Variants in SUMF1 observed in about 807,000 individuals in gnomAD.
SUMF1 encodes formylglycine-generating enzyme.
A neutral mutation model predicts 47.6 loss-of-function variants in SUMF1; 48 were observed. The ratio of observed to expected loss-of-function variants is 1.01; its 90% CI spans 0.80 to 1.28. The LOEUF is 1.28. Ranked by LOEUF, SUMF1 falls within the 50% of genes most tolerant of loss-of-function variation. The probability of loss-of-function intolerance (pLI) is 0.00; values close to 1 mark genes in which losing one functional copy is unlikely to be tolerated. For synonymous variants in SUMF1, 230 were observed against 192.1 expected, an observed-to-expected ratio of 1.20 and a Z score of -1.63; for missense variants, 571 against 485.4, an observed-to-expected ratio of 1.18 and a Z score of -1.66.
At chr3:4,234,592 A>C in intron 8 of SUMF1, among the ~76,000 whole-genome samples, 1 of 152,180 alleles carries the variant, frequency 6.6e-6, no homozygotes, top group East Asian at 1.9e-4. Context: ...TGTGCAAGCA[A>C]GAATTACTGT....
intron 8 of SUMF1, among the ~76,000 whole-genome samples, chr3:4,125,729 C>A (rs775763895): frequency 1.3e-5 from 2 of 152,134 alleles, no homozygotes; most frequent in East Asian, 3.9e-4. Context: ...GGCTAGAGTG[C>A]GGTGGCATGC....
intron 9 of SUMF1, chr3:4,068,429 G>A (rs1358143707): frequency 6.3e-6 from 1 of 159,108 alleles, no homozygotes; most frequent in Non-Finnish European, 1.4e-5. Flanking sequence ...AACAATGATA[G>A]TAATTTTAAT....
At chr3:4,054,699 T>A (rs1695162617) in intron 9 of SUMF1, among the ~76,000 whole-genome samples, 1 of 152,144 alleles carries the variant, frequency 6.6e-6, no homozygotes, top group Non-Finnish European at 1.5e-5. Context: ...AGGTCTGCCA[T>A]CTCACTCAAC....
chr3:4,461,260 A>G (rs1279773129), intron 1 of SUMF1, among the ~76,000 whole-genome samples: 2 of 143,440 alleles, frequency 1.4e-5, no homozygotes, highest in South Asian at 2.1e-4. Context: ...CATTATTCTC[A>G]CTATACTCTA....
At chr3:4,171,718 T>C (rs1289148207) in intron 8 of SUMF1, among the ~76,000 whole-genome samples, 2 of 152,136 alleles carry the variant, frequency 1.3e-5, no homozygotes, top group Admixed American at 6.5e-5. Flanking sequence ...TCCAGATAAA[T>C]GGGCTTGTGA....
intron 8 of SUMF1, among the ~76,000 whole-genome samples, chr3:4,172,509 C>G (rs79847033): frequency 0.031 from 4,764 of 152,142 alleles, 270 homozygotes; most frequent in African/African-American, 0.11. Flanking sequence ...TTTATAGCAA[C>G]TCTATAAGAA....
rs574248389 is a variant in SUMF1 at position 4,461,201 on chromosome 3, C to T, written c.270+5775G>A. On this transcript the variant is annotated intron_variant, in intron 1 of 8. Transcript: ENST00000272902. ...AGACATGCATAACATGTCAACATCACAGTGAAACCTGTCTAACAGATGTAG... is the reference window on the plus strand; with the variant it reads ...AGACATGCATAACATGTCAACATCATAGTGAAACCTGTCTAACAGATGTAG... Among the ~76,000 whole-genome samples, 7 of 152,304 alleles carry T rather than the reference C, an allele frequency of 4.6e-5. No individual in the cohort carries two copies. The South Asian group carries it at 1.2e-3, about 27-fold the overall frequency.
chr3:4,197,472 G>A (rs914848411), intron 8 of SUMF1, among the ~76,000 whole-genome samples: 3 of 152,032 alleles, frequency 2.0e-5, no homozygotes, highest in African/African-American at 4.8e-5. Context: ...GAGATGAGAG[G>A]GCATGACAGA....
Position 4,160,192 on chromosome 3 carries a change from G to C in SUMF1, c.1015-91447C>G, listed in dbSNP as rs182772044. Reference sequence around the variant, plus strand: ...TCCTCTTTAAGGCCAATAACTCTTAGATTTGCCCTTTTGAATCTATTTTCT... The same window carrying C: ...TCCTCTTTAAGGCCAATAACTCTTACATTTGCCCTTTTGAATCTATTTTCT... On this transcript the variant is annotated intron_variant and NMD_transcript_variant, in intron 8 of 12. Coordinates refer to the SUMF1 transcript ENST00000448413. Among the ~76,000 whole-genome samples, 324 of 152,044 alleles carry C rather than the reference G, an allele frequency of 2.1e-3. 6 individuals carry two copies. Among genetic ancestry groups the C allele is most frequent in the African/African-American group, 7.7e-3 (317 of 41,436 alleles).
At chr3:4,275,180 G>A (rs191868991) in intron 8 of SUMF1, among the ~76,000 whole-genome samples, 7 of 152,250 alleles carry the variant, frequency 4.6e-5, no homozygotes, top group East Asian at 1.9e-4. Context: ...AGACCTGATC[G>A]TGGTAGAATA....
At chr3:4,319,462 T>C (rs1378287517) in intron 8 of SUMF1, among the ~76,000 whole-genome samples, 2 of 152,130 alleles carry the variant, frequency 1.3e-5, no homozygotes, top group Non-Finnish European at 2.9e-5. Context: ...GCAATTATGA[T>C]GAATGAGGGG....
intron 8 of SUMF1, among the ~76,000 whole-genome samples, chr3:4,177,860 T>A (rs906938423): frequency 7.2e-5 from 11 of 152,002 alleles, no homozygotes; most frequent in African/African-American, 2.7e-4. Flanking sequence ...AAAGGAGATA[T>A]CACCACCAAT....
intron 8 of SUMF1, among the ~76,000 whole-genome samples, chr3:4,100,179 C>T (rs971838723): frequency 2.0e-5 from 3 of 150,740 alleles, no homozygotes; most frequent in Non-Finnish European, 3.0e-5. Flanking sequence ...TCACAGAAAT[C>T]GAAAAAAAAT....
chr3:4,250,528 T>C (rs377657414), intron 8 of SUMF1, among the ~76,000 whole-genome samples: 87 of 152,154 alleles, frequency 5.7e-4, no homozygotes, highest in African/African-American at 1.9e-3. Context: ...AGATTTTCAA[T>C]GTAGATGAAA....
At chr3:4,114,568 A>C (rs1693380740) in intron 8 of SUMF1, among the ~76,000 whole-genome samples, 1 of 152,028 alleles carries the variant, frequency 6.6e-6, no homozygotes, top group Non-Finnish European at 1.5e-5. Context: ...TTTTGTAAGT[A>C]CTTTAAGTGG....
chr3:4,345,988 T>C (rs1167619561), intron 8 of SUMF1, among the ~76,000 whole-genome samples: 2 of 152,230 alleles, frequency 1.3e-5, no homozygotes, highest in African/African-American at 4.8e-5. Context: ...CTATCCTGAA[T>C]GTATATGCAC....
intron 8 of SUMF1, among the ~76,000 whole-genome samples, chr3:4,346,566 T>A (rs982449412): frequency 1.2e-4 from 18 of 151,874 alleles, no homozygotes; most frequent in African/African-American, 4.4e-4. Flanking sequence ...AATGCCCACA[T>A]CAGAAAGCTA....
At chr3:4,211,535 A>G (rs2587940) in intron 8 of SUMF1, among the ~76,000 whole-genome samples, 27,183 of 151,904 alleles carry the variant, frequency 0.18, 2,765 homozygotes, top group South Asian at 0.31. Context: ...ATAAGAGAAT[A>G]TCTTCATGAC....
chr3:4,417,258 C>G lies in SUMF1; in HGVS notation c.726-16G>C, dbSNP rs999626972. 4 of 1,610,418 alleles carry G rather than the reference C, an allele frequency of 2.5e-6. No homozygotes were observed. Among genetic ancestry groups the G allele is most frequent in the Non-Finnish European group, 2.5e-6 (3 of 1,176,896 alleles). ...GGGGAAAAGTCTGTCAGAAGAGACACAGGCATCAGCCTGTCAAACAGGCAC... is the reference window on the plus strand; with the variant it reads ...GGGGAAAAGTCTGTCAGAAGAGACAGAGGCATCAGCCTGTCAAACAGGCAC... On this transcript the variant is annotated splice_polypyrimidine_tract_variant and intron_variant, in intron 5 of 8. Coordinates refer to ENST00000272902, the MANE Select transcript of SUMF1 (RefSeq NM_182760.4).
Sources: allele counts gnomAD v4.1 joint callset (sites outside exome capture counted in the v4.1 genomes callset), GRCh38; gene constraint gnomAD v4.1.1; transcripts MANE v1.5; gene names NCBI Gene and HGNC (gene_info 2026-07-23, HGNC 2026-07-21).